KCNH8: variants seen among roughly 807,000 people sequenced by gnomAD.
The protein encoded by KCNH8 is voltage-gated delayed rectifier potassium channel KCNH8.
A neutral mutation model predicts 103.6 loss-of-function variants in KCNH8; 70 were observed. That is an observed-to-expected ratio of 0.68 (90% CI 0.56 to 0.82). KCNH8 has a LOEUF of 0.82. Ranked by LOEUF, KCNH8 falls within the 40% of genes least tolerant of loss-of-function variation. The pLI is 0.00. For missense variants in KCNH8, 1,217 were observed against 1,329.9 expected (o/e 0.92, Z 1.32); for synonymous variants, 498 against 489.4 (o/e 1.02, Z -0.23).
chr3:19,173,240 C>G (rs905909810), intron 1 of KCNH8, among the ~76,000 whole-genome samples: 1 of 151,930 alleles, frequency 6.6e-6, no homozygotes, highest in Non-Finnish European at 1.5e-5. Flanking sequence ...GGGCTTAGGT[C>G]TGTGAGACAG....
At chr3:19,459,269 T>C (rs1163801164) in intron 11 of KCNH8, among the ~76,000 whole-genome samples, 1 of 151,976 alleles carries the variant, frequency 6.6e-6, no homozygotes, top group South Asian at 2.1e-4. Context: ...TTCTTTGTTG[T>C]TGTTTTTTTT....
chr3:19,284,144 T>TA lies in KCNH8; in HGVS notation c.442+2823dup, dbSNP rs200598552. Among the ~76,000 whole-genome samples, 1,064 of 151,720 alleles carry TA rather than the reference T, an allele frequency of 7.0e-3. 11 individuals are homozygous for TA. The highest frequency in any genetic ancestry group is 0.024 in the African/African-American group (986 of 41,366). On this transcript the variant is annotated intron_variant, in intron 3 of 15. Coordinates refer to ENST00000328405, the MANE Select transcript of KCNH8 (RefSeq NM_144633.3). ...CTGTAGCAGTATTATGTCATAACATTAAAAAAAACTAAATGAGTGCATGAC... is the reference window on the plus strand; with the variant it reads ...CTGTAGCAGTATTATGTCATAACATTAAAAAAAAACTAAATGAGTGCATGAC...
At chr3:19,392,065 C>T (rs1346063302) in intron 6 of KCNH8, among the ~76,000 whole-genome samples, 4 of 150,202 alleles carry the variant, frequency 2.7e-5, no homozygotes, top group African/African-American at 4.9e-5. Context: ...GAGTACTGAG[C>T]GAATATTTTA....
intron 2 of KCNH8, among the ~76,000 whole-genome samples, chr3:19,259,342 T>G (rs192825888): frequency 6.6e-6 from 1 of 151,880 alleles, no homozygotes; most frequent in Non-Finnish European, 1.5e-5. Flanking sequence ...AAAACATTTG[T>G]TTTAAGCTTT....
intron 5 of KCNH8, among the ~76,000 whole-genome samples, chr3:19,356,654 T>C (rs1451446151): frequency 3.3e-5 from 5 of 151,964 alleles, no homozygotes; most frequent in Admixed American, 2.6e-4. Flanking sequence ...AGTGACTGAA[T>C]AGCATTAATC....
intron 11 of KCNH8, among the ~76,000 whole-genome samples, chr3:19,499,074 C>G (rs1328894373): frequency 6.6e-6 from 1 of 152,038 alleles, no homozygotes; most frequent in Non-Finnish European, 1.5e-5. Flanking sequence ...ACTAGAATAA[C>G]CAATACAGAG....
intron 15 of KCNH8, among the ~76,000 whole-genome samples, chr3:19,530,898 T>C (rs145990991): frequency 3.3e-5 from 5 of 152,344 alleles, no homozygotes; most frequent in African/African-American, 9.6e-5. Flanking sequence ...CTTTCACCTC[T>C]GAGTCTTATT....
At chr3:19,208,312 CAT>C (rs2063736740) in intron 1 of KCNH8, among the ~76,000 whole-genome samples, 1 of 151,980 alleles carries the variant, frequency 6.6e-6, no homozygotes, top group Non-Finnish European at 1.5e-5. Context: ...ACACATTTAA[CAT>C]TTCAAATGTT....
At chr3:19,166,203 G>A (rs576404281) in intron 1 of KCNH8, among the ~76,000 whole-genome samples, 1 of 152,262 alleles carries the variant, frequency 6.6e-6, no homozygotes, top group South Asian at 2.1e-4. Flanking sequence ...AAAAAGGTTA[G>A]ACATCTTTTT....
intron 1 of KCNH8, among the ~76,000 whole-genome samples, chr3:19,252,361 T>G (rs1271240627): frequency 6.6e-6 from 1 of 152,146 alleles, no homozygotes; most frequent in Non-Finnish European, 1.5e-5. Context: ...TGTGTTAATA[T>G]TACAACCATA....
At chr3:19,271,043 AT>A (rs1160106813) in intron 2 of KCNH8, among the ~76,000 whole-genome samples, 2 of 152,178 alleles carry the variant, frequency 1.3e-5, no homozygotes, top group Non-Finnish European at 2.9e-5. Flanking sequence ...TATCAAAAAA[AT>A]AATAGCAATA....
chr3:19,220,600 T>C (rs906269395), intron 1 of KCNH8, among the ~76,000 whole-genome samples: 1 of 151,304 alleles, frequency 6.6e-6, no homozygotes, highest in African/African-American at 2.5e-5. Context: ...ATTTTTTTTT[T>C]CAGCCATGCT....
chr3:19,238,936 G>C (rs1419322723), intron 1 of KCNH8, among the ~76,000 whole-genome samples: 2 of 152,058 alleles, frequency 1.3e-5, no homozygotes, highest in Non-Finnish European at 2.9e-5. Flanking sequence ...AATTTTAAAG[G>C]AGCAAACCTA....
intron 1 of KCNH8, among the ~76,000 whole-genome samples, chr3:19,224,569 T>TTC (rs1228260889): frequency 6.6e-6 from 1 of 150,844 alleles, no homozygotes; most frequent in Non-Finnish European, 1.5e-5. Flanking sequence ...CTTTTTTTTT[T>TTC]TTTTTTTTTG....
intron 3 of KCNH8, among the ~76,000 whole-genome samples, chr3:19,307,221 C>T (rs1015967782): frequency 2.6e-5 from 4 of 151,616 alleles, no homozygotes; most frequent in African/African-American, 9.7e-5. Context: ...AAAAAAAAAG[C>T]AATCCAATTT....
chr3:19,432,504 C>T (rs1365957874), intron 7 of KCNH8, among the ~76,000 whole-genome samples: 5 of 152,172 alleles, frequency 3.3e-5, no homozygotes, highest in African/African-American at 1.2e-4. Flanking sequence ...AATAATTTGC[C>T]TGGACTTAAT....
intron 1 of KCNH8, among the ~76,000 whole-genome samples, chr3:19,197,175 T>A (rs2063610578): frequency 6.6e-6 from 1 of 152,046 alleles, no homozygotes; most frequent in Admixed American, 6.6e-5. Context: ...CTCAGTGACT[T>A]CCATGGTCAG....
At chr3:19,474,213 T>C (rs895603386) in intron 11 of KCNH8, among the ~76,000 whole-genome samples, 3 of 152,150 alleles carry the variant, frequency 2.0e-5, no homozygotes, top group African/African-American at 7.2e-5. Context: ...TTAAAACAAA[T>C]TGCAAAATCC....
At chr3:19,433,341 C>G (rs902230414) in intron 7 of KCNH8, among the ~76,000 whole-genome samples, 1 of 152,124 alleles carries the variant, frequency 6.6e-6, no homozygotes. Context: ...TCAATATTTG[C>G]TGATGGATCT....
Sources: allele counts gnomAD v4.1 joint callset (sites outside exome capture counted in the v4.1 genomes callset), GRCh38; gene constraint gnomAD v4.1.1; transcripts MANE v1.5; gene names NCBI Gene and HGNC (gene_info 2026-07-23, HGNC 2026-07-21).